DBF4B: variants seen among roughly 807,000 people sequenced by gnomAD.
DBF4B encodes protein DBF4 homolog B.
DBF4B carries 49 observed loss-of-function variants against 53.4 expected under a neutral mutation model. That is an observed-to-expected ratio of 0.92 (90% CI 0.73 to 1.16). DBF4B has a LOEUF of 1.16. DBF4B is among the 50% of genes most tolerant of loss of function. The probability of loss-of-function intolerance (pLI) is 0.00; values close to 1 mark genes in which losing one functional copy is unlikely to be tolerated. For synonymous variants in DBF4B, 257 were observed against 288.7 expected (o/e 0.89, Z 1.11); for missense variants, 692 against 775.0 (o/e 0.89, Z 1.27).
intron 5 of DBF4B, chr17:44,731,319 G>A (rs1422879200): frequency 6.1e-6 from 2 of 328,768 alleles, no homozygotes; most frequent in Non-Finnish European, 1.2e-5. Flanking sequence ...TCTTTTACAA[G>A]TAACTCTAGG....
rs575852024 is a variant in DBF4B, at chr17:44,709,293, T to G, written c.20-11T>G. ...TGAAGATGGTTGAGTTGCTGTTATG[T>G]CCTTTCTCAGGAGACGATTGCCTCG... On this transcript the variant is annotated splice_polypyrimidine_tract_variant and intron_variant, in intron 1 of 13. Coordinates refer to ENST00000315005, the MANE Select transcript of DBF4B (RefSeq NM_145663.3). The G allele has an allele frequency of 1.4e-4, 219 of 1,614,072 alleles. 2 individuals are homozygous for G. The East Asian group carries it at 4.9e-3, about 36-fold the overall frequency.
chr17:44,713,002 T>C (rs368306806), intron 2 of DBF4B, among the ~76,000 whole-genome samples: 121 of 151,606 alleles, frequency 8.0e-4, no homozygotes, highest in African/African-American at 2.8e-3. Flanking sequence ...CCAGTATATA[T>C]GTAGTAATTT....
Position 44,718,061 on chromosome 17 carries a change from G to A in DBF4B, c.83-4819G>A, listed in dbSNP as rs141385459. 1.4e-3 allele frequency among the ~76,000 whole-genome samples: 219 copies of A among 151,980 alleles called. 1 individual carries two copies. Among genetic ancestry groups the A allele is most frequent in the African/African-American group, 4.9e-3 (203 of 41,476 alleles). On this transcript the variant is annotated intron_variant, in intron 2 of 13. Coordinates refer to ENST00000315005, the MANE Select transcript of DBF4B (RefSeq NM_145663.3). ...AAGAAAAGAAAATCCGGAAATTAAT[G>A]TTGATATTATTAACTAATCTATAGA...
rs869200833 is a variant in DBF4B at position 44,715,812 on chromosome 17, C to CTT, written c.82+6473_82+6474dup. 4.5e-3 allele frequency among the ~76,000 whole-genome samples: 249 copies of CTT among 55,548 alleles called. 22 individuals are homozygous for CTT. Among genetic ancestry groups the CTT allele is most frequent in the Non-Finnish European group, 6.0e-3 (183 of 30,670 alleles). The allele number at this position is 55,548 out of a possible 152,430, so 36.4% of individuals were successfully genotyped here. ...GTTAGCCTAATTTCTTTCTTTCTTT[C>CTT]TTTTTTTTTTTTTTTTTTTTTTTTT... On this transcript the variant is annotated intron_variant, in intron 2 of 13. Coordinates refer to ENST00000315005, the MANE Select transcript of DBF4B (RefSeq NM_145663.3).
intron 8 of DBF4B, among the ~76,000 whole-genome samples, 176 bp from the exon 9 acceptor site, chr17:44,738,203 G>A (rs1975646039): frequency 6.6e-6 from 1 of 152,252 alleles, no homozygotes; most frequent in African/African-American, 2.4e-5. Context: ...TCTCCCAGGG[G>A]TAGAGGCTGG....
intron 10 of DBF4B, among the ~76,000 whole-genome samples, chr17:44,742,618 A>C (rs1406737359): frequency 6.6e-6 from 1 of 152,002 alleles, no homozygotes; most frequent in African/African-American, 2.4e-5. Context: ...TAGAATCAAA[A>C]TATCTGATGA....
At chr17:44,727,864 A>ATTTTTTTTTTTTTTTT (rs756222247) in intron 3 of DBF4B, among the ~76,000 whole-genome samples, 1 of 106,742 alleles carries the variant, frequency 9.4e-6, no homozygotes, top group Non-Finnish European at 1.9e-5. Context: ...TGCCCGGGTA[A>ATTTTTTTTTTTTTTTT]TTTTTTTTTT....
Position 44,751,948 on chromosome 17 carries a change from T to A in DBF4B, c.*695T>A, listed in dbSNP as rs1379297723. The A allele has an allele frequency of 2.0e-6, 3 of 1,535,806 alleles. No homozygotes were observed. The highest frequency in any genetic ancestry group is 2.6e-6 in the Non-Finnish European group (3 of 1,146,808). On this transcript the variant is annotated 3_prime_UTR_variant, in exon 14 of 14. Coordinates refer to ENST00000315005, the MANE Select transcript of DBF4B (RefSeq NM_145663.3). ...CTCGTTCGTTCATTCAGCACAGGCC[T>A]TGCCGTCTGCCCTGAGTCAGCTCCG...
At chr17:44,736,928 G>A (rs759699741) in intron 8 of DBF4B, 62 bp downstream of exon 8, 5 of 1,573,826 alleles carry the variant, frequency 3.2e-6, no homozygotes, top group South Asian at 2.2e-5. Flanking sequence ...ACTTCCCCAC[G>A]ACTCCCTCTG....
chr17:44,748,516 C>G (rs773260737), intron 13 of DBF4B, 51 bp downstream of exon 13: 1 of 1,610,902 alleles, frequency 6.2e-7, no homozygotes, highest in Non-Finnish European at 8.5e-7. Context: ...ACCAGCTGAA[C>G]GTGCAGGGAC....
In DBF4B at chr17:44,730,091, G is replaced by T. The variant is rs1313391760; in HGVS notation, c.412G>T (p.Asp138Tyr). 1 of 1,612,306 alleles carries T rather than the reference G, an allele frequency of 6.2e-7. No individual in the cohort carries two copies. The highest frequency in any genetic ancestry group is 1.1e-5 in the South Asian group (1 of 90,984). The change falls in exon 4 of 14, where the codon GAC becomes TAC. Residue 138 changes from aspartate to tyrosine, a missense_variant. Asp to Tyr is a radical substitution (Grantham distance 160). Coordinates refer to ENST00000315005, the MANE Select transcript of DBF4B (RefSeq NM_145663.3). The stretch of plus-strand genomic sequence containing the variant: ...CCCCAGGCCTTCACGGAAACCCGTT[G>T]ACTCGGTAAGAACCTCATGTAGGAA... ...SHPRPSRKPV[D>Y]SVPLSRGKEL...
chr17:44,709,161 G>T (rs1972633325), intron 1 of DBF4B, 143 bp from the exon 2 acceptor site: 2 of 1,081,446 alleles, frequency 1.8e-6, no homozygotes, highest in African/African-American at 1.6e-5. Context: ...GGAGTCGCGG[G>T]ATGTAGGTCG....
At chr17:44,743,653 T>C (rs553809486) in intron 10 of DBF4B, among the ~76,000 whole-genome samples, 1 of 146,304 alleles carries the variant, frequency 6.8e-6, no homozygotes, top group Admixed American at 6.9e-5. Context: ...CACTGTTGCC[T>C]AGGCAGGAGT....
At chr17:44,744,255 T>C (rs1976391193) in intron 10 of DBF4B, among the ~76,000 whole-genome samples, 1 of 151,840 alleles carries the variant, frequency 6.6e-6, no homozygotes, top group Admixed American at 6.6e-5. Context: ...CTATTAAAAA[T>C]ACAAAAATTA....
At chr17:44,722,083 G>A (rs995340726) in intron 2 of DBF4B, among the ~76,000 whole-genome samples, 14 of 151,520 alleles carry the variant, frequency 9.2e-5, no homozygotes, top group African/African-American at 3.4e-4. Flanking sequence ...GCGATAAGCC[G>A]AGATCGCGCC....
At chr17:44,739,415 G>A (rs969203531) in intron 9 of DBF4B, among the ~76,000 whole-genome samples, 9 of 152,240 alleles carry the variant, frequency 5.9e-5, no homozygotes, top group African/African-American at 1.9e-4. Flanking sequence ...CCAGCCCTAG[G>A]AGCCTGGCAT....
At chr17:44,746,972 G>T (rs1348047713) in intron 10 of DBF4B, 111 bp from the exon 11 acceptor site, 4 of 941,544 alleles carry the variant, frequency 4.2e-6, no homozygotes, top group Non-Finnish European at 6.7e-6. Context: ...ACAGCCCCTT[G>T]GCCATCTTGG....
rs60326279 is a variant in DBF4B at position 44,727,098 on chromosome 17, CAAAAAA to C, written c.226-2788_226-2783del. 2.0e-3 allele frequency among the ~76,000 whole-genome samples: 99 copies of C among 49,524 alleles called. 1 individual carries two copies. The highest frequency in any genetic ancestry group is 7.0e-3 in the African/African-American group (87 of 12,404). 32.5% of individuals were successfully genotyped at this position (49,524 alleles called of 152,430 possible). A position where few individuals can be genotyped will look rare whatever the true frequency, so the allele number is the denominator to read the frequency against. On this transcript the variant is annotated intron_variant, in intron 3 of 13. Coordinates refer to ENST00000315005, the MANE Select transcript of DBF4B (RefSeq NM_145663.3). ...TGGGCAACAAAGCAAGACTCCATCT[CAAAAAA>C]AAAAAAAAAAAAAAAAAACCATATA...
rs1393534291 is a variant in DBF4B, at chr17:44,727,309, C to G, written c.226-2596C>G. Among the ~76,000 whole-genome samples, 4 of 151,860 alleles carry G rather than the reference C, an allele frequency of 2.6e-5. No individual in the cohort carries two copies. In the East Asian group the frequency reaches 7.8e-4, roughly 29 times the overall value. Reference sequence around the variant, plus strand: ...TAGCACGCACTTGTAGTCCCAGCTACTCGGGAGGCTGAGGCACAACAATCG... The same window carrying G: ...TAGCACGCACTTGTAGTCCCAGCTAGTCGGGAGGCTGAGGCACAACAATCG... On this transcript the variant is annotated intron_variant, in intron 3 of 13. Transcript: ENST00000315005.
Sources: gnomAD v4.1 joint callset for allele counts (sites outside exome capture counted in the v4.1 genomes callset) on GRCh38, gnomAD v4.1.1 for gene constraint, MANE v1.5 for transcripts, NCBI Gene and HGNC (gene_info 2026-07-23, HGNC 2026-07-21) for gene names.